Variants in SLC3A1 observed in about 807,000 individuals in gnomAD.
The protein encoded by SLC3A1 is solute carrier family 3 member 1, also known as amino acid transporter heavy chain SLC3A1.
A neutral mutation model predicts 60.3 loss-of-function variants in SLC3A1; 78 were observed. That is an observed-to-expected ratio of 1.29 (90% confidence interval 1.08 to 1.56). SLC3A1 has a LOEUF of 1.56. SLC3A1 is among the 40% of genes most tolerant of loss of function. The pLI is 0.00. For synonymous variants in SLC3A1, 392 were observed against 307.9 expected, an observed-to-expected ratio of 1.27 and a Z score of -2.86; for missense variants, 1,172 against 858.9, an observed-to-expected ratio of 1.36 and a Z score of -4.56.
At chr2:44,300,242 G>A (rs969392406) in intron 5 of SLC3A1, 152 bp downstream of exon 5, 7 of 814,760 alleles carry the variant, frequency 8.6e-6, no homozygotes, top group East Asian at 2.7e-5. Context: ...ATGTGCAAGA[G>A]TTTGAAATGC....
At chr2:44,301,158 C>T (rs1415686121) in intron 6 of SLC3A1, 31 bp downstream of exon 6, 8 of 1,613,868 alleles carry the variant, frequency 5.0e-6, no homozygotes, top group Non-Finnish European at 6.8e-6. Flanking sequence ...TCATTTCTTC[C>T]CAGGCTTAGT....
chr2:44,291,891 T>A (rs1347488406), intron 4 of SLC3A1, among the ~76,000 whole-genome samples: 6 of 152,156 alleles, frequency 3.9e-5, no homozygotes, highest in African/African-American at 1.4e-4. Flanking sequence ...TCTCCTCCTC[T>A]TTGTACTGGC....
chr2:44,301,167 G>T, intron 6 of SLC3A1, 40 bp downstream of exon 6: 1 of 1,613,446 alleles, frequency 6.2e-7, no homozygotes, highest in Non-Finnish European at 8.5e-7. Context: ...CCCAGGCTTA[G>T]TGTGTGATCT....
rs199949010 is a variant in SLC3A1 at position 44,320,560 on chromosome 2, C to T, written c.1979C>T (p.Thr660Ile). Residue 660 changes from threonine to isoleucine, a missense_variant, in exon 10 of 10, where the codon ACA (threonine) becomes ATA (isoleucine). Transcript: ENST00000260649. ...HNTKNLLHRQ[T>I]AFRDRCFVSN... ...ACGAAGAATCTCCTTCATCGCCAAACAGCTTTCAGAGATAGATGCTTTGTT... is the reference window on the plus strand; with the variant it reads ...ACGAAGAATCTCCTTCATCGCCAAATAGCTTTCAGAGATAGATGCTTTGTT... 2 of 1,613,942 alleles carry T rather than the reference C, an allele frequency of 1.2e-6. No individual in the cohort carries two copies. The highest frequency in any genetic ancestry group is 1.3e-5 in the African/African-American group (1 of 74,918).
At chr2:44,291,251 T>C (rs750571357) in intron 4 of SLC3A1, among the ~76,000 whole-genome samples, 1 of 152,184 alleles carries the variant, frequency 6.6e-6, no homozygotes, top group Non-Finnish European at 1.5e-5. Flanking sequence ...AACCAGCTGG[T>C]TTACAGTTGG....
downstream of SLC3A1, chr2:44,321,767 G>A (rs1261496808): frequency 6.2e-7 from 1 of 1,613,352 alleles, no homozygotes; most frequent in Non-Finnish European, 8.5e-7. Flanking sequence ...CACTGAAAAT[G>A]TGAAAACAAC....
intron 4 of SLC3A1, among the ~76,000 whole-genome samples, chr2:44,296,386 G>C (rs1671844870): frequency 6.6e-6 from 1 of 152,128 alleles, no homozygotes; most frequent in Non-Finnish European, 1.5e-5. Context: ...CTAAGTGCCT[G>C]GTATACACTA....
chr2:44,317,649 AAAT>A (rs575087215), intron 9 of SLC3A1: 132 of 152,492 alleles, frequency 8.7e-4, no homozygotes, highest in African/African-American at 3.0e-3. Context: ...TAGGACATAA[AAAT>A]AATTTTCAAA....
chr2:44,316,517 A>G (rs1174443053), intron 9 of SLC3A1: 1 of 152,240 alleles, frequency 6.6e-6, no homozygotes. Flanking sequence ...AATTCCGTAC[A>G]TGCAGTAACA....
At chr2:44,314,016 C>A in intron 9 of SLC3A1, 65 bp downstream of exon 9, 1 of 1,608,014 alleles carries the variant, frequency 6.2e-7, no homozygotes, top group Non-Finnish European at 8.5e-7. Context: ...ACTGAAAGTA[C>A]ACACTCACCC....
At chr2:44,294,662 G>T (rs1432460155) in intron 4 of SLC3A1, among the ~76,000 whole-genome samples, 2 of 152,112 alleles carry the variant, frequency 1.3e-5, no homozygotes, top group Non-Finnish European at 2.9e-5. Flanking sequence ...GAGAGAGCTG[G>T]GTTGTACCCA....
At chr2:44,322,026 AACC>A, downstream of SLC3A1, 1 of 927,594 alleles carries the variant, frequency 1.1e-6, no homozygotes, top group African/African-American at 1.7e-5. Context: ...AAAAAGCAAA[AACC>A]ACCATCATCA....
intron 6 of SLC3A1, among the ~76,000 whole-genome samples, chr2:44,303,064 G>A (rs756895809): frequency 7.9e-5 from 12 of 151,618 alleles, no homozygotes; most frequent in Non-Finnish European, 1.5e-4. Flanking sequence ...AGCTGGGCGT[G>A]GTGGCGGGTG....
At chr2:44,284,719 A>T (rs1449210309) in intron 3 of SLC3A1, among the ~76,000 whole-genome samples, 4 of 151,914 alleles carry the variant, frequency 2.6e-5, no homozygotes, top group African/African-American at 4.8e-5. Context: ...ACACACCATC[A>T]TGTGTGGCTG....
intron 4 of SLC3A1, among the ~76,000 whole-genome samples, chr2:44,299,311 T>G (rs771915941): frequency 6.6e-6 from 1 of 152,228 alleles, no homozygotes; most frequent in Non-Finnish European, 1.5e-5. Context: ...AGTGCTGGGA[T>G]TACAGGCATG....
intron 6 of SLC3A1, among the ~76,000 whole-genome samples, chr2:44,303,369 G>A (rs577044508): frequency 1.9e-4 from 29 of 149,770 alleles, no homozygotes; most frequent in East Asian, 1.6e-3. Flanking sequence ...TTGGCCTTCC[G>A]AGTAGCTGGG....
intron 9 of SLC3A1, among the ~76,000 whole-genome samples, chr2:44,315,653 C>CAAA (rs70965350): frequency 0.043 from 2,204 of 51,742 alleles, 240 homozygotes; most frequent in African/African-American, 0.059. Context: ...AAGACCGCCT[C>CAAA]AAAAAAAAAA....
intron 1 of SLC3A1, among the ~76,000 whole-genome samples, chr2:44,279,625 T>G (rs1289293432): frequency 6.6e-6 from 1 of 152,000 alleles, no homozygotes; most frequent in African/African-American, 2.4e-5. Context: ...GTAGCCACAT[T>G]AAAAAAAGGA....
intron 3 of SLC3A1, among the ~76,000 whole-genome samples, chr2:44,283,547 G>C (rs2104338470): frequency 6.6e-6 from 1 of 152,222 alleles, no homozygotes; most frequent in East Asian, 1.9e-4. Context: ...GCTAAAGATG[G>C]GATCTAGTCA....
Sources: allele counts gnomAD v4.1 joint callset (sites outside exome capture counted in the v4.1 genomes callset), GRCh38; gene constraint gnomAD v4.1.1; transcripts MANE v1.5; gene names NCBI Gene and HGNC (gene_info 2026-07-23, HGNC 2026-07-21).